Variants in RBKS observed in about 807,000 individuals in gnomAD.
RBKS encodes ribokinase.
RBKS carries 33 observed loss-of-function variants against 33.9 expected under a neutral mutation model. The ratio of observed to expected loss-of-function variants is 0.97; its 90% CI spans 0.74 to 1.30. The LOEUF is 1.30. Ranked by LOEUF, RBKS falls within the 50% of genes most tolerant of loss-of-function variation. The pLI is 0.00. For missense variants in RBKS, 361 were observed against 392.6 expected (o/e 0.92, Z 0.68); for synonymous variants, 125 against 143.0 (o/e 0.87, Z 0.90).
intron 7 of RBKS, among the ~76,000 whole-genome samples, chr2:27,818,695 T>G (rs928914394): frequency 6.6e-6 from 1 of 152,212 alleles, no homozygotes; most frequent in African/African-American, 2.4e-5. Flanking sequence ...GCCCAGCTTT[T>G]ATTATTAGCC....
chr2:27,794,321 AATAAT>A (rs1487868740), intron 7 of RBKS, among the ~76,000 whole-genome samples: 1 of 145,736 alleles, frequency 6.9e-6, no homozygotes, highest in Non-Finnish European at 1.5e-5. Context: ...TAATAATAAT[AATAAT>A]AATAATAATA....
Position 27,843,115 on chromosome 2 carries a change from T to C in RBKS, c.466A>G (p.Thr156Ala). Residue 156 changes from threonine (T) to alanine (A), a missense_variant, in exon 5 of 8, where the codon ACT becomes GCT. Coordinates refer to ENST00000302188, the MANE Select transcript of RBKS (RefSeq NM_022128.3). ...AKVMVCQLEI[T>A]PATSLEALTM... is the part of the protein sequence containing the mutation. The stretch of plus-strand genomic sequence containing the variant: ...AGGGCTTCCAAAGAAGTTGCTGGAG[T>C]TATTTCGAGCTGGCAGACCATGACT... 2 of 1,610,428 alleles carry C rather than the reference T, an allele frequency of 1.2e-6. No individual in the cohort carries two copies. The highest frequency in any genetic ancestry group is 1.7e-6 in the Non-Finnish European group (2 of 1,178,128).
intron 5 of RBKS, among the ~76,000 whole-genome samples, chr2:27,833,029 C>G (rs538651858): frequency 2.6e-5 from 4 of 152,198 alleles, no homozygotes; most frequent in African/African-American, 9.6e-5. Flanking sequence ...AGCAATATAA[C>G]AGTCAACGTG....
chr2:27,879,828 G>A (rs750865363), intron 1 of RBKS, among the ~76,000 whole-genome samples: 1 of 152,044 alleles, frequency 6.6e-6, no homozygotes, highest in Non-Finnish European at 1.5e-5. Context: ...AATGAGCTCC[G>A]AAACTGAATC....
rs796338345 is a variant in RBKS, at chr2:27,837,644, C to T, written c.515-4867G>A. ...TATATACCATGGAATACTATGTAGC[C>T]GTAAAAAGGAATGAAATCATGTCCT... On this transcript the variant is annotated intron_variant, in intron 5 of 7. Transcript: ENST00000302188. This position sits in a 1 kb window ranked among gnomAD's most constrained non-coding sequence, Gnocchi z 4.0. Among the ~76,000 whole-genome samples, 3 of 151,920 alleles carry T rather than the reference C, an allele frequency of 2.0e-5. No homozygotes were observed. The highest frequency in any genetic ancestry group is 2.1e-4 in the South Asian group (1 of 4,814).
At chr2:27,854,651 G>A (rs927104753) in intron 2 of RBKS, among the ~76,000 whole-genome samples, 1 of 151,926 alleles carries the variant, frequency 6.6e-6, no homozygotes, top group Non-Finnish European at 1.5e-5. Context: ...ATAATTTAAA[G>A]TACATGTAAA....
At chr2:27,807,482 A>C (rs1019392238) in intron 7 of RBKS, among the ~76,000 whole-genome samples, 2 of 152,054 alleles carry the variant, frequency 1.3e-5, no homozygotes, top group Non-Finnish European at 1.5e-5. Flanking sequence ...CCGGACTCAA[A>C]CGATCCTCCC....
chr2:27,858,911 TG>T (rs1270631338), intron 1 of RBKS, among the ~76,000 whole-genome samples: 4 of 152,178 alleles, frequency 2.6e-5, no homozygotes, highest in African/African-American at 9.7e-5. Flanking sequence ...ATTTAATAAA[TG>T]GGATGAAATT....
chr2:27,803,699 CAAA>C (rs10715321), intron 7 of RBKS, among the ~76,000 whole-genome samples: 3 of 125,542 alleles, frequency 2.4e-5, no homozygotes, highest in African/African-American at 5.5e-5. Context: ...GACTCTGTCT[CAAA>C]AAAAAAAAAA....
At chr2:27,813,671 A>C (rs1307046940) in intron 7 of RBKS, among the ~76,000 whole-genome samples, 1 of 152,036 alleles carries the variant, frequency 6.6e-6, no homozygotes, top group Non-Finnish European at 1.5e-5. Flanking sequence ...ATATATCTAT[A>C]TATATATATG....
At chr2:27,854,807 C>G (rs546990374) in intron 2 of RBKS, among the ~76,000 whole-genome samples, 4 of 151,040 alleles carry the variant, frequency 2.6e-5, no homozygotes, top group African/African-American at 9.7e-5. Flanking sequence ...TAATAAAAAC[C>G]CTGCATATAT....
At chr2:27,789,945 ATG>A (rs1299017838) in intron 7 of RBKS, among the ~76,000 whole-genome samples, 1 of 107,634 alleles carries the variant, frequency 9.3e-6, no homozygotes, top group Non-Finnish European at 1.8e-5. Context: ...ATATATGTAT[ATG>A]TGTATATATA....
chr2:27,877,176 C>A (rs1444552462), intron 1 of RBKS, among the ~76,000 whole-genome samples: 1 of 152,054 alleles, frequency 6.6e-6, no homozygotes, highest in East Asian at 1.9e-4. Context: ...AAAATGAACT[C>A]AAGTTTCTTT....
chr2:27,822,677 T>C (rs1041561725), intron 7 of RBKS, among the ~76,000 whole-genome samples: 1 of 152,258 alleles, frequency 6.6e-6, no homozygotes, highest in Non-Finnish European at 1.5e-5. Flanking sequence ...GGGACACCCA[T>C]GCAGCTGGCT....
intron 5 of RBKS, among the ~76,000 whole-genome samples, chr2:27,834,636 A>G (rs1678481159): frequency 6.6e-6 from 1 of 152,158 alleles, no homozygotes; most frequent in Non-Finnish European, 1.5e-5. Flanking sequence ...CCAGTATTCT[A>G]ACACACTCAC....
intron 7 of RBKS, among the ~76,000 whole-genome samples, chr2:27,811,237 C>T (rs1677980414): frequency 6.6e-6 from 1 of 152,204 alleles, no homozygotes; most frequent in South Asian, 2.1e-4. Context: ...ACTGCATCAC[C>T]ATGGGACTTC....
intron 1 of RBKS, among the ~76,000 whole-genome samples, chr2:27,884,056 G>T (rs994246705): frequency 8.5e-5 from 13 of 152,102 alleles, no homozygotes; most frequent in African/African-American, 3.1e-4. Context: ...TATATTCCTC[G>T]AATACTGGGA....
intron 1 of RBKS, among the ~76,000 whole-genome samples, chr2:27,878,477 A>C (rs1376725142): frequency 6.6e-6 from 1 of 152,144 alleles, no homozygotes; most frequent in South Asian, 2.1e-4. Context: ...TGTGAATAGT[A>C]CCGCAATAAA....
intron 7 of RBKS, among the ~76,000 whole-genome samples, chr2:27,817,865 C>T (rs1045878814): frequency 6.6e-6 from 1 of 152,140 alleles, no homozygotes; most frequent in Admixed American, 6.5e-5. Context: ...TGAGAACTCA[C>T]TATCACAAGA....
Sources: allele counts gnomAD v4.1 joint callset (sites outside exome capture counted in the v4.1 genomes callset), GRCh38; gene constraint gnomAD v4.1.1; non-coding constraint Gnocchi (gnomAD v3.1); transcripts MANE v1.5; gene names NCBI Gene and HGNC (gene_info 2026-07-23, HGNC 2026-07-21).